PDE12: variants seen among roughly 807,000 people sequenced by gnomAD.
PDE12 encodes 2',5'-phosphodiesterase 12.
Under a neutral mutation model 45.4 loss-of-function variants are expected in PDE12, and 26 were observed. The ratio of observed to expected loss-of-function variants is 0.57; its 90% CI spans 0.42 to 0.79. The LOEUF (loss-of-function observed/expected upper bound fraction) is 0.79. Among genes scored for constraint, PDE12 ranks in the 30% least tolerant of loss-of-function variants. PDE12 has a pLI of 0.00. For synonymous variants in PDE12, 283 were observed against 323.9 expected (o/e 0.87, Z 1.36); for missense variants, 668 against 790.0 (o/e 0.85, Z 1.85).
the PDE12 span, chr3:57,630,951 A>G: frequency 3.1e-6 from 5 of 1,613,528 alleles, no homozygotes; most frequent in African/African-American, 1.3e-5. Context: ...CTTTTCTGCA[A>G]AGGCATCAAG....
the PDE12 span, chr3:57,654,545 T>A: frequency 1.2e-6 from 1 of 823,892 alleles, no homozygotes; most frequent in Non-Finnish European, 1.5e-6. Flanking sequence ...TCTCTCATTG[T>A]ACTAGGAACA....
downstream of PDE12, among the ~76,000 whole-genome samples, chr3:57,569,042 T>G (rs2069811313): frequency 6.6e-6 from 1 of 152,142 alleles, no homozygotes; most frequent in Admixed American, 6.6e-5. Context: ...TAATCAACTG[T>G]TCTGTACAAT....
the PDE12 span, among the ~76,000 whole-genome samples, chr3:57,611,945 T>C: frequency 2.0e-5 from 3 of 152,220 alleles, no homozygotes; most frequent in African/African-American, 7.2e-5. Context: ...TGCCCACGTA[T>C]GTTTATCGCG....
the PDE12 span, chr3:57,619,427 A>G: frequency 6.6e-6 from 1 of 152,448 alleles, no homozygotes; most frequent in Admixed American, 6.5e-5. Flanking sequence ...GACTTCATCA[A>G]CTTGATAAAG....
At chr3:57,628,966 G>T in the PDE12 span, 1 of 1,256,270 alleles carries the variant, frequency 8.0e-7, no homozygotes, top group Non-Finnish European at 1.1e-6. Flanking sequence ...AGGCTACTGT[G>T]AAGGAAAGAC....
At chr3:57,559,258 C>T in intron 1 of PDE12, 52 bp from the exon 2 acceptor site, 1 of 1,385,636 alleles carries the variant, frequency 7.2e-7, no homozygotes, top group Non-Finnish European at 1.0e-6. Context: ...CAAAAACATT[C>T]AGGAGATTTG....
chr3:57,587,003 C>G, the PDE12 span, among the ~76,000 whole-genome samples: 1 of 152,004 alleles, frequency 6.6e-6, no homozygotes, highest in Non-Finnish European at 1.5e-5. Context: ...GGAGGTCCAA[C>G]TGGACCTCAG....
chr3:57,561,240 T>TA lies in PDE12; in HGVS notation c.*1237dup. 2 of 985,396 alleles carry TA rather than the reference T, an allele frequency of 2.0e-6. No homozygotes were observed. The highest frequency in any genetic ancestry group is 1.1e-4 in the East Asian group (1 of 8,818). 61.0% of individuals were successfully genotyped at this position (985,396 alleles called of 1,614,324 possible). On this transcript the variant is annotated 3_prime_UTR_variant, in exon 3 of 3. Coordinates refer to ENST00000311180, the MANE Select transcript of PDE12 (RefSeq NM_177966.7). ...TACTTTATGAGAAACTACCTACTGATATGGGCTTGAAATTTTGGATGAATC... is the reference window on the plus strand; with the variant it reads ...TACTTTATGAGAAACTACCTACTGATAATGGGCTTGAAATTTTGGATGAATC...
At chr3:57,615,797 C>CT in the PDE12 span, among the ~76,000 whole-genome samples, 5 of 151,404 alleles carry the variant, frequency 3.3e-5, no homozygotes, top group Non-Finnish European at 7.4e-5. Context: ...GAGCGAGACT[C>CT]TATCTCAAGA....
the PDE12 span, chr3:57,596,871 G>A: frequency 1.9e-5 from 11 of 582,350 alleles, no homozygotes; most frequent in African/African-American, 1.9e-4. Flanking sequence ...CCCTGTCCCT[G>A]TCTCGTCTGG....
In PDE12 at chr3:57,556,503, T is replaced by A; in HGVS notation, c.124T>A (p.Cys42Ser). 6.2e-7 allele frequency: 1 copy of A among 1,613,376 alleles called. No individual in the cohort carries two copies. Reference sequence around the variant, plus strand: ...AGCGATGGAGCGCGCTGTAGTGCGCTGCGTACCTTCGGAACCCAAGCTGAG... The same window carrying A: ...AGCGATGGAGCGCGCTGTAGTGCGCAGCGTACCTTCGGAACCCAAGCTGAG... ...AGAMERAVVR[C>S]VPSEPKLSLS... Residue 42 changes from cysteine (C) to serine (S), a missense_variant, in exon 1 of 3, where the codon TGC (cysteine) becomes AGC (serine). By Grantham distance (112) the Cys-to-Ser change is moderately radical. Coordinates refer to ENST00000311180, the MANE Select transcript of PDE12 (RefSeq NM_177966.7). The surrounding 1 kb of genome is among the most constrained non-coding windows in gnomAD (Gnocchi z 5.0).
the PDE12 span, chr3:57,628,335 T>C: frequency 6.2e-7 from 1 of 1,614,020 alleles, no homozygotes; most frequent in Non-Finnish European, 8.5e-7. Context: ...GTGCTCTCGA[T>C]CAGCCTGCAA....
chr3:57,616,481 AAAGAAGG>A, the PDE12 span, among the ~76,000 whole-genome samples: 4 of 141,216 alleles, frequency 2.8e-5, no homozygotes, highest in African/African-American at 1.3e-4. Flanking sequence ...AAGGAAGAAG[AAAGAAGG>A]AGGAAGAGGA....
chr3:57,616,387 A>AG, the PDE12 span, among the ~76,000 whole-genome samples: 2 of 113,572 alleles, frequency 1.8e-5, no homozygotes, highest in African/African-American at 6.2e-5. Context: ...GGGGAGGAGG[A>AG]GAAGGAGAAG....
chr3:57,633,219 C>G, the PDE12 span: 2 of 1,485,090 alleles, frequency 1.3e-6, no homozygotes, highest in Non-Finnish European at 1.9e-6. Flanking sequence ...TTTATATACC[C>G]TTCACCAAAT....
Position 57,556,827 on chromosome 3 carries a change from A to G in PDE12, c.448A>G (p.Ile150Val). The change falls in exon 1 of 3, where the codon ATC (isoleucine) becomes GTC (valine). Residue 150 changes from isoleucine to valine, a missense_variant. By Grantham distance (29) the Ile-to-Val change is conservative. Transcript: ENST00000311180. The surrounding 1 kb of genome is among the most constrained non-coding windows in gnomAD (Gnocchi z 5.0). The stretch of plus-strand genomic sequence containing the variant: ...CTGGCAAGACGGCGCGGTGCTGCAG[A>G]TCGGCGATGTTAAGTACAAGGTGGA... ...DAWQDGAVLQ[I>V]GDVKYKVERN... 1 of 1,613,844 alleles carries G rather than the reference A, an allele frequency of 6.2e-7. No individual in the cohort carries two copies.
At position 57,560,232 on chromosome 3, in the gene PDE12, T is replaced by C; in HGVS notation, c.*228T>C. 8.1e-7 allele frequency: 1 copy of C among 1,239,132 alleles called. No individual in the cohort carries two copies. Among genetic ancestry groups the C allele is most frequent in the Non-Finnish European group, 1.0e-6 (1 of 990,732 alleles). 76.8% of individuals were successfully genotyped at this position (1,239,132 alleles called of 1,614,324 possible). A position where few individuals can be genotyped will look rare whatever the true frequency, so the allele number is the denominator to read the frequency against. ...GAGGAGAAACAAATATATTTCTTAC[T>C]AGCAAAATAGAAAATTGAATTATTT... On this transcript the variant is annotated 3_prime_UTR_variant, in exon 3 of 3. Coordinates refer to ENST00000311180, the MANE Select transcript of PDE12 (RefSeq NM_177966.7).
At chr3:57,591,405 A>G in the PDE12 span, among the ~76,000 whole-genome samples, 1 of 152,020 alleles carries the variant, frequency 6.6e-6, no homozygotes, top group Non-Finnish European at 1.5e-5. Flanking sequence ...TGAAAAGGAA[A>G]AAAAAAAGAA....
chr3:57,613,031 A>G, the PDE12 span, among the ~76,000 whole-genome samples: 2 of 152,016 alleles, frequency 1.3e-5, no homozygotes, highest in African/African-American at 4.8e-5. Flanking sequence ...CCCAGGCTGG[A>G]GTCCAGTGGC....
Sources: gnomAD v4.1 joint callset for allele counts (sites outside exome capture counted in the v4.1 genomes callset) on GRCh38, gnomAD v4.1.1 for gene constraint, Gnocchi (gnomAD v3.1) non-coding constraint, MANE v1.5 for transcripts, NCBI Gene and HGNC (gene_info 2026-07-23, HGNC 2026-07-21) for gene names.